The following DCDC2 variants were observed in gnomAD, a reference collection of about 807,000 sequenced individuals.
DCDC2 encodes the protein doublecortin domain containing 2.
Under a neutral mutation model 50.2 loss-of-function variants are expected in DCDC2, and 40 were observed. The ratio of observed to expected loss-of-function variants is 0.80; its 90% CI spans 0.62 to 1.04. The LOEUF is 1.04. Among genes scored for constraint, DCDC2 ranks in the 50% least tolerant of loss-of-function variants. DCDC2 has a pLI of 0.00. For synonymous variants in DCDC2, 234 were observed against 210.6 expected (o/e 1.11, Z -0.96); for missense variants, 570 against 581.9 (o/e 0.98, Z 0.21).
At position 24,349,452 on chromosome 6, in the gene DCDC2, G is replaced by C. The variant is rs374470640; in HGVS notation, c.348+4117C>G. 1.5e-4 allele frequency among the ~76,000 whole-genome samples: 23 copies of C among 152,286 alleles called. 1 individual carries two copies. In the East Asian group the frequency reaches 2.9e-3, roughly 19 times the overall value. On this transcript the variant is annotated intron_variant, in intron 2 of 9. Coordinates refer to ENST00000378454, the MANE Select transcript of DCDC2 (RefSeq NM_016356.5). ...AGAGAGGAAGCAGAAATCACATTCA[G>C]TAAAGCAGAAGGGTAGGGGCAAGAG...
At chr6:24,353,361 C>T (rs1430482715) in intron 2 of DCDC2, 1 of 644,326 alleles carries the variant, frequency 1.6e-6, no homozygotes, top group East Asian at 3.1e-5. Context: ...CTTGACATAT[C>T]CTGCACATCT....
intron 2 of DCDC2, among the ~76,000 whole-genome samples, chr6:24,347,375 A>G (rs1760284425): frequency 6.6e-6 from 1 of 152,198 alleles, no homozygotes; most frequent in South Asian, 2.1e-4. Flanking sequence ...CGCCTAGCAC[A>G]TAACAGGCAC....
chr6:24,246,000 ATTTTT>A (rs1726352828), intron 7 of DCDC2, among the ~76,000 whole-genome samples: 1 of 152,036 alleles, frequency 6.6e-6, no homozygotes, highest in Non-Finnish European at 1.5e-5. Context: ...ATTTATTTTT[ATTTTT>A]ATTTATTTAT....
intron 7 of DCDC2, among the ~76,000 whole-genome samples, chr6:24,231,385 G>A (rs1448837742): frequency 6.6e-6 from 1 of 152,164 alleles, no homozygotes; most frequent in East Asian, 1.9e-4. Context: ...CTGGTTGCAG[G>A]AGACCCATGA....
upstream of DCDC2, among the ~76,000 whole-genome samples, chr6:24,358,906 T>A (rs1350861004): frequency 2.7e-3 from 56 of 20,392 alleles, 3 homozygotes; most frequent in African/African-American, 8.8e-3. Flanking sequence ...TATAATATAT[T>A]ATATATTATA....
intron 1 of DCDC2, 73 bp downstream of exon 1, chr6:24,357,385 A>T (rs1372589392): frequency 6.7e-7 from 1 of 1,482,290 alleles, no homozygotes; most frequent in African/African-American, 1.4e-5. Context: ...GGGGGTAGGG[A>T]TCTGCATTTC....
At chr6:24,238,944 AGAGT>A (rs1343118202) in intron 7 of DCDC2, among the ~76,000 whole-genome samples, 1 of 152,166 alleles carries the variant, frequency 6.6e-6, no homozygotes, top group African/African-American at 2.4e-5. Flanking sequence ...ACTATAGGAG[AGAGT>A]ATTAGCTTTA....
At chr6:24,199,457 A>G (rs1243322013) in intron 8 of DCDC2, among the ~76,000 whole-genome samples, 2 of 152,238 alleles carry the variant, frequency 1.3e-5, no homozygotes, top group Non-Finnish European at 2.9e-5. Context: ...ACAGAAAGGA[A>G]TAACATCAAC....
chr6:24,273,624 A>G (rs1763287497), intron 7 of DCDC2, among the ~76,000 whole-genome samples: 1 of 152,204 alleles, frequency 6.6e-6, no homozygotes, highest in African/African-American at 2.4e-5. Context: ...GTGAGAGAGC[A>G]CATTTTCCTC....
At chr6:24,183,511 G>A (rs75258987) in intron 8 of DCDC2, among the ~76,000 whole-genome samples, 4,218 of 152,212 alleles carry the variant, frequency 0.028, 179 homozygotes, top group African/African-American at 0.096. Context: ...CCAGCTCAGA[G>A]AAAACATGGC....
chr6:24,365,702 A>G, the DCDC2 span: 4 of 152,272 alleles, frequency 2.6e-5, no homozygotes, highest in Non-Finnish European at 5.9e-5. Context: ...TAAGATTAGC[A>G]TAAGTTCCTG....
intron 7 of DCDC2, among the ~76,000 whole-genome samples, chr6:24,231,066 C>T (rs1762328217): frequency 6.6e-6 from 1 of 152,146 alleles, no homozygotes; most frequent in Admixed American, 6.5e-5. Flanking sequence ...CGTTGTCTGC[C>T]CCATGGCCTG....
chr6:24,221,351 TTC>T (rs951280160), intron 7 of DCDC2, among the ~76,000 whole-genome samples: 4 of 152,282 alleles, frequency 2.6e-5, no homozygotes, highest in African/African-American at 9.6e-5. Context: ...TGTCCTCCTC[TTC>T]TCTGTCCCCA....
rs576370676 is a variant in DCDC2, at chr6:24,285,633, GCA to G, written c.759+3217_759+3218del. ...ACATTGATGTATCACAGTATTCACA[GCA>G]CAGTCTAAAAAACTTACAAATGAGC... On this transcript the variant is annotated intron_variant, in intron 6 of 9. Coordinates refer to ENST00000378454, the MANE Select transcript of DCDC2 (RefSeq NM_016356.5). Among the ~76,000 whole-genome samples the G allele has an allele frequency of 9.5e-4, 144 of 152,244 alleles. 1 individual carries two copies. The South Asian group carries it at 0.016, about 17-fold the overall frequency.
At chr6:24,328,858 T>C (rs1397013682) in intron 2 of DCDC2, among the ~76,000 whole-genome samples, 1 of 152,164 alleles carries the variant, frequency 6.6e-6, no homozygotes, top group Non-Finnish European at 1.5e-5. Context: ...AGCTCTTCCT[T>C]GGAAAGCAGG....
intron 2 of DCDC2, among the ~76,000 whole-genome samples, chr6:24,323,082 C>T (rs879583843): frequency 9.2e-5 from 14 of 152,238 alleles, no homozygotes; most frequent in African/African-American, 3.1e-4. Flanking sequence ...TGGTAGCTCA[C>T]ACCTATAATC....
chr6:24,288,534 A>G (rs1763667560), intron 6 of DCDC2, among the ~76,000 whole-genome samples: 1 of 152,246 alleles, frequency 6.6e-6, no homozygotes, highest in African/African-American at 2.4e-5. Context: ...ATAGAAACCA[A>G]GACTGGATGA....
intron 7 of DCDC2, among the ~76,000 whole-genome samples, chr6:24,265,208 T>C (rs143300030): frequency 1.3e-5 from 2 of 152,156 alleles, no homozygotes; most frequent in African/African-American, 4.8e-5. Flanking sequence ...AAGGGGTTAA[T>C]TCAGCAAGAG....
upstream of DCDC2, among the ~76,000 whole-genome samples, chr6:24,359,727 T>A (rs1476582388): frequency 6.7e-6 from 1 of 149,556 alleles, no homozygotes. Context: ...CAAGACCCCA[T>A]CCCGGAAGGA....
Sources: gnomAD v4.1 joint callset for allele counts (sites outside exome capture counted in the v4.1 genomes callset) on GRCh38, gnomAD v4.1.1 for gene constraint, MANE v1.5 for transcripts, NCBI Gene and HGNC (gene_info 2026-07-23, HGNC 2026-07-21) for gene names.